GRM3: variants seen among roughly 807,000 people sequenced by gnomAD.
GRM3 encodes glutamate metabotropic receptor 3.
A neutral mutation model predicts 70.5 loss-of-function variants in GRM3; 26 were observed. That is an observed-to-expected ratio of 0.37 (90% CI 0.27 to 0.51). The LOEUF (loss-of-function observed/expected upper bound fraction) is 0.51. GRM3 is among the 20% of genes least tolerant of loss of function. The pLI is 0.93. For missense variants in GRM3, 859 were observed against 1,123.8 expected, an observed-to-expected ratio of 0.76 and a Z score of 3.37; for synonymous variants, 443 against 434.9, an observed-to-expected ratio of 1.02 and a Z score of -0.23.
intron 2 of GRM3, among the ~76,000 whole-genome samples, chr7:86,769,357 A>T (rs1201398794): frequency 6.6e-6 from 1 of 152,122 alleles, no homozygotes; most frequent in Non-Finnish European, 1.5e-5. Context: ...TGATTATAAC[A>T]TCTAGTCCCA....
chr7:86,864,519 C>A lies in GRM3; in HGVS notation c.*164C>A. On this transcript the variant is annotated 3_prime_UTR_variant, in exon 6 of 6. Transcript: ENST00000361669. ...GACTGTATATAGTGATGTGCTAGAACTTTCTAGGCTGAGTCTAGTGCCCCT... is the reference window on the plus strand; with the variant it reads ...GACTGTATATAGTGATGTGCTAGAAATTTCTAGGCTGAGTCTAGTGCCCCT... 1 of 587,532 alleles carries A rather than the reference C, an allele frequency of 1.7e-6. No homozygotes were observed. 36.4% of individuals were successfully genotyped at this position (587,532 alleles called of 1,614,324 possible).
intron 1 of GRM3, among the ~76,000 whole-genome samples, chr7:86,668,230 G>A (rs561384556): frequency 6.6e-6 from 1 of 151,762 alleles, no homozygotes; most frequent in East Asian, 1.9e-4. Context: ...TGCTTCCTTA[G>A]GATTCTTCTG....
chr7:86,831,443 T>C (rs1433372654), intron 3 of GRM3, among the ~76,000 whole-genome samples: 2 of 151,978 alleles, frequency 1.3e-5, no homozygotes, highest in Admixed American at 1.3e-4. Flanking sequence ...AGGAAAAAAA[T>C]GTGATAGTAT....
intron 5 of GRM3, among the ~76,000 whole-genome samples, chr7:86,852,206 G>A (rs928383522): frequency 5.9e-5 from 9 of 152,230 alleles, no homozygotes; most frequent in African/African-American, 2.2e-4. Flanking sequence ...GCTTTGCAGA[G>A]AGAATAAAAA....
chr7:86,778,511 A>T (rs1796956268), intron 2 of GRM3, among the ~76,000 whole-genome samples: 1 of 152,210 alleles, frequency 6.6e-6, no homozygotes, highest in Non-Finnish European at 1.5e-5. Context: ...AAATTGATAC[A>T]TCATGTATAT....
chr7:86,660,649 C>T (rs769977821), intron 1 of GRM3, among the ~76,000 whole-genome samples: 3 of 78,192 alleles, frequency 3.8e-5, no homozygotes, highest in South Asian at 1.1e-3. Flanking sequence ...TGATAAAAAG[C>T]ACTTAGTAAA....
chr7:86,846,873 CAA>C (rs562196952), intron 4 of GRM3, among the ~76,000 whole-genome samples: 85 of 152,290 alleles, frequency 5.6e-4, no homozygotes, highest in Middle Eastern at 3.4e-3. Context: ...TCAAAACTGT[CAA>C]AGACTGTAGT....
At chr7:86,739,974 C>T (rs1795949841) in intron 1 of GRM3, among the ~76,000 whole-genome samples, 1 of 152,150 alleles carries the variant, frequency 6.6e-6, no homozygotes, top group Non-Finnish European at 1.5e-5. Context: ...GAAAACAGTG[C>T]TTGTGTTAAT....
intron 2 of GRM3, among the ~76,000 whole-genome samples, chr7:86,772,228 A>T (rs1195190579): frequency 6.6e-6 from 1 of 152,138 alleles, no homozygotes; most frequent in African/African-American, 2.4e-5. Flanking sequence ...ACCTATGTAC[A>T]GTTGATAAGA....
At chr7:86,730,632 G>A (rs115767105) in intron 1 of GRM3, among the ~76,000 whole-genome samples, 68 of 152,208 alleles carry the variant, frequency 4.5e-4, no homozygotes, top group African/African-American at 1.4e-3. Context: ...AAATAATTAC[G>A]TAACAATTAT....
intron 1 of GRM3, among the ~76,000 whole-genome samples, chr7:86,725,582 A>G (rs1795573298): frequency 2.0e-5 from 3 of 152,166 alleles, no homozygotes; most frequent in African/African-American, 7.2e-5. Flanking sequence ...ACTATCAACA[A>G]TACAGCAGCA....
At chr7:86,712,027 A>T (rs754184179) in intron 1 of GRM3, among the ~76,000 whole-genome samples, 1 of 152,036 alleles carries the variant, frequency 6.6e-6, no homozygotes, top group Non-Finnish European at 1.5e-5. Flanking sequence ...CTACTTTTGT[A>T]TGCTCTTTCT....
chr7:86,672,117 A>T (rs1794186946), intron 1 of GRM3, among the ~76,000 whole-genome samples: 1 of 152,224 alleles, frequency 6.6e-6, no homozygotes, highest in Non-Finnish European at 1.5e-5. Flanking sequence ...ATCTTAGGTG[A>T]TAAAAAGTCT....
chr7:86,789,472 T>C (rs780083965), intron 3 of GRM3, among the ~76,000 whole-genome samples: 2 of 152,258 alleles, frequency 1.3e-5, no homozygotes, highest in South Asian at 2.1e-4. Context: ...TAAGTATGTA[T>C]GCATTATTAC....
At chr7:86,658,683 T>C (rs1793811454) in intron 1 of GRM3, among the ~76,000 whole-genome samples, 1 of 152,156 alleles carries the variant, frequency 6.6e-6, no homozygotes, top group Non-Finnish European at 1.5e-5. Flanking sequence ...ATCAATAGCT[T>C]TTTATGGGGT....
At chr7:86,820,309 G>A (rs1219301280) in intron 3 of GRM3, among the ~76,000 whole-genome samples, 2 of 152,144 alleles carry the variant, frequency 1.3e-5, no homozygotes, top group Non-Finnish European at 2.9e-5. Flanking sequence ...ATTTACAACA[G>A]ACAGGGTGCA....
intron 4 of GRM3, among the ~76,000 whole-genome samples, chr7:86,843,159 TG>T (rs1055884434): frequency 6.6e-6 from 1 of 152,198 alleles, no homozygotes; most frequent in Non-Finnish European, 1.5e-5. Flanking sequence ...CAAACCTTCC[TG>T]ATCAACTGAC....
Position 86,864,450 on chromosome 7 carries a change from C to T in GRM3, c.*95C>T, listed in dbSNP as rs1241581343. The T allele has an allele frequency of 5.8e-6, 5 of 862,000 alleles. No homozygotes were observed. In the African/African-American group the frequency reaches 6.6e-5, roughly 11 times the overall value. 53.4% of individuals were successfully genotyped at this position (862,000 alleles called of 1,614,324 possible). A position where few individuals can be genotyped will look rare whatever the true frequency, so the allele number is the denominator to read the frequency against. ...TATGGAAACAGAGCAAAAGAACAAC[C>T]CTAGTACCTTTTTTTAGAAACAGTA... On this transcript the variant is annotated 3_prime_UTR_variant, in exon 6 of 6. Coordinates refer to ENST00000361669, the MANE Select transcript of GRM3 (RefSeq NM_000840.3).
intron 1 of GRM3, among the ~76,000 whole-genome samples, chr7:86,733,981 T>C (rs1228610267): frequency 4.6e-5 from 7 of 152,250 alleles, no homozygotes; most frequent in Non-Finnish European, 4.4e-5. Context: ...TGAGTCATGC[T>C]GAACCAGATG....
Sources: gnomAD v4.1 joint callset for allele counts (sites outside exome capture counted in the v4.1 genomes callset) on GRCh38, gnomAD v4.1.1 for gene constraint, MANE v1.5 for transcripts, NCBI Gene and HGNC (gene_info 2026-07-23, HGNC 2026-07-21) for gene names.